The following CNOT9 variants were observed in gnomAD, a reference collection of about 807,000 sequenced individuals.
CNOT9 encodes the protein CCR4-NOT transcription complex subunit 9.
In CNOT9, 8 loss-of-function variants were observed where a neutral mutation model predicts 37.4. The observed-to-expected ratio is 0.21, with a 90% CI of 0.13 to 0.39. The LOEUF (loss-of-function observed/expected upper bound fraction) is 0.39. Ranked by LOEUF, CNOT9 falls within the 10% of genes least tolerant of loss-of-function variation. The pLI, the probability that CNOT9 is intolerant of heterozygous loss-of-function variation, is 1.00. For synonymous variants in CNOT9, 120 were observed against 137.6 expected, an observed-to-expected ratio of 0.87 and a Z score of 0.90; for missense variants, 154 against 365.3, an observed-to-expected ratio of 0.42 and a Z score of 4.71.
chr2:218,596,990 ATAT>A lies in CNOT9; in HGVS notation c.*2719_*2721del, dbSNP rs1005005807. 6.6e-6 allele frequency: 1 copy of A among 152,154 alleles called. No individual in the cohort carries two copies. Among genetic ancestry groups the A allele is most frequent in the Non-Finnish European group, 1.5e-5 (1 of 68,042 alleles). The allele number at this position is 152,154 out of a possible 1,614,324, so 9.4% of individuals were successfully genotyped here. The stretch of plus-strand genomic sequence containing the variant: ...AGAGCATGCCTTGCTTACTAACTAC[ATAT>A]TATTCCTCTGCTCATTGTTCCTGCT... On this transcript the variant is annotated 3_prime_UTR_variant, in exon 8 of 8. Transcript: ENST00000273064.
intron 1 of CNOT9, among the ~76,000 whole-genome samples, chr2:218,572,922 G>A (rs1345939849): frequency 1.3e-5 from 2 of 152,128 alleles, no homozygotes; most frequent in South Asian, 2.1e-4. Context: ...CACTCTAAAG[G>A]ATTTAATTCA....
intron 1 of CNOT9, among the ~76,000 whole-genome samples, chr2:218,576,112 C>T (rs1196155803): frequency 6.6e-6 from 1 of 152,152 alleles, no homozygotes; most frequent in Non-Finnish European, 1.5e-5. Flanking sequence ...CCCTCACCTG[C>T]CGTACCCCTT....
At chr2:218,590,814 T>C (rs1484305976) in intron 5 of CNOT9, among the ~76,000 whole-genome samples, 1 of 151,900 alleles carries the variant, frequency 6.6e-6, no homozygotes, top group Non-Finnish European at 1.5e-5. Context: ...TTGTTGTTGT[T>C]GTTGTTGTTT....
At chr2:218,579,141 T>C (rs1363035716) in intron 1 of CNOT9, among the ~76,000 whole-genome samples, 1 of 152,146 alleles carries the variant, frequency 6.6e-6, no homozygotes, top group Non-Finnish European at 1.5e-5. Context: ...ATGCATATGG[T>C]TTTTTAAAAA....
chr2:218,583,371 C>T (rs1694482727), intron 3 of CNOT9, among the ~76,000 whole-genome samples: 1 of 151,958 alleles, frequency 6.6e-6, no homozygotes, highest in Admixed American at 6.6e-5. Context: ...ATCAGGCATA[C>T]AGCTACTTCT....
intron 5 of CNOT9, among the ~76,000 whole-genome samples, chr2:218,590,873 T>C (rs1694751047): frequency 6.6e-6 from 1 of 152,120 alleles, no homozygotes; most frequent in African/African-American, 2.4e-5. Flanking sequence ...TCGCCCAGGC[T>C]GGAGTGCAGT....
chr2:218,580,477 A>G (rs1694338061), intron 1 of CNOT9, 84 bp from the exon 2 acceptor site: 1 of 1,172,274 alleles, frequency 8.5e-7, no homozygotes, highest in African/African-American at 1.6e-5. Flanking sequence ...CATGAAAAAT[A>G]TATTTCCTCT....
At chr2:218,573,344 A>G (rs1301608901) in intron 1 of CNOT9, among the ~76,000 whole-genome samples, 1 of 150,868 alleles carries the variant, frequency 6.6e-6, no homozygotes, top group South Asian at 2.1e-4. Context: ...AAAAAGATAC[A>G]TTCTGGCTCT....
Position 218,594,396 on chromosome 2 carries a change from T to C in CNOT9, c.*120T>C. On this transcript the variant is annotated 3_prime_UTR_variant, in exon 8 of 8. Transcript: ENST00000273064. ...AGACAACCTCAATGCTGAACCGCAC[T>C]GGAGAAAAGGGGCAAGGTACCCCTG... The C allele has an allele frequency of 1.7e-6, 2 of 1,161,066 alleles. No individual in the cohort carries two copies. Among genetic ancestry groups the C allele is most frequent in the Non-Finnish European group, 1.2e-6 (1 of 831,406 alleles). 71.9% of individuals were successfully genotyped at this position (1,161,066 alleles called of 1,614,324 possible).
chr2:218,569,097 C>T lies in CNOT9; in HGVS notation c.24+119C>T. 1.4e-5 allele frequency: 15 copies of T among 1,101,770 alleles called. No individual in the cohort carries two copies. The South Asian group carries it at 2.2e-4, about 16-fold the overall frequency. The allele number at this position is 1,101,770 out of a possible 1,614,324, so 68.2% of individuals were successfully genotyped here. ...CTGATTTTTTTCTGCCCTCAATCTC[C>T]AAGGCCCCGGTTCCCCTCCTCGGCA... On this transcript the variant is annotated intron_variant, in intron 1 of 7. Transcript: ENST00000273064.
intron 2 of CNOT9, 146 bp downstream of exon 2, chr2:218,580,886 G>A (rs963584808): frequency 6.3e-6 from 5 of 792,986 alleles, no homozygotes; most frequent in Admixed American, 2.2e-5. Flanking sequence ...AAGGTCTGAG[G>A]TATTTGTTAA....
intron 3 of CNOT9, among the ~76,000 whole-genome samples, chr2:218,584,130 C>T (rs868678280): frequency 2.8e-4 from 42 of 152,150 alleles, no homozygotes; most frequent in African/African-American, 9.7e-4. Context: ...TTTTTAAAAT[C>T]CACAATTGGA....
Position 218,587,689 on chromosome 2 carries a change from T to A in CNOT9, c.534T>A (p.Ser178=), listed in dbSNP as rs768347023. 2 of 1,565,340 alleles carry A rather than the reference T, an allele frequency of 1.3e-6. No individual in the cohort carries two copies. The highest frequency in any genetic ancestry group is 1.8e-6 in the Non-Finnish European group (2 of 1,142,368). Reference sequence around the variant, plus strand: ...TTATGGAATCTGGAAGTGAACTTTCTAAAACAGTATGTACTTTTAACTTAG... The same window carrying A: ...TTATGGAATCTGGAAGTGAACTTTCAAAAACAGTATGTACTTTTAACTTAG... ...LRIMESGSEL[S]KTVATFILQK... is the part of the protein sequence containing the mutation. Residue 178 remains serine (S), a synonymous_variant, in exon 5 of 8, where the codon TCT becomes TCA. Coordinates refer to ENST00000273064, the MANE Select transcript of CNOT9 (RefSeq NM_005444.3).
chr2:218,584,567 A>T lies in CNOT9; in HGVS notation c.321-45A>T, dbSNP rs201380808. 5.9e-5 allele frequency: 82 copies of T among 1,400,972 alleles called. No homozygotes were observed. In the African/African-American group the frequency reaches 1.1e-3, roughly 18 times the overall value. 86.8% of individuals were successfully genotyped at this position (1,400,972 alleles called of 1,614,324 possible). A position where few individuals can be genotyped will look rare whatever the true frequency, so the allele number is the denominator to read the frequency against. ...AGAAATTTGAAAGTTCAGGATCCTT[A>T]GAAATCAACCCTGGGCTGTGAATGT... is the stretch of plus-strand genomic sequence containing the variant. On this transcript the variant is annotated intron_variant, in intron 3 of 7. Transcript: ENST00000273064.
intron 1 of CNOT9, among the ~76,000 whole-genome samples, chr2:218,571,650 C>A (rs1693995589): frequency 6.6e-6 from 1 of 150,722 alleles, no homozygotes. Flanking sequence ...CAGCTCACAG[C>A]AATCTCCGCC....
At chr2:218,584,243 A>C (rs563064524) in intron 3 of CNOT9, among the ~76,000 whole-genome samples, 8 of 152,276 alleles carry the variant, frequency 5.3e-5, no homozygotes, top group Middle Eastern at 3.4e-3. Context: ...CAGCTTTGGC[A>C]CCATTACCAT....
chr2:218,572,332 TGAAA>T (rs1467214628), intron 1 of CNOT9, among the ~76,000 whole-genome samples: 3 of 151,554 alleles, frequency 2.0e-5, no homozygotes, highest in Admixed American at 6.6e-5. Flanking sequence ...TAAAAAAAAA[TGAAA>T]GAAAGAATAA....
chr2:218,572,832 A>G lies in CNOT9; in HGVS notation c.24+3854A>G, dbSNP rs546513721. The G allele has an allele frequency of 9.4e-6, 3 of 320,020 alleles. No individual in the cohort carries two copies. The East Asian group carries it at 5.2e-4, about 55-fold the overall frequency. 19.8% of individuals were successfully genotyped at this position (320,020 alleles called of 1,614,324 possible). The stretch of plus-strand genomic sequence containing the variant: ...CACTTTCCGCCTAACCAGCAGCATC[A>G]TTAGTTATTTTACATCTTTTTATTG... On this transcript the variant is annotated intron_variant, in intron 1 of 7. Coordinates refer to ENST00000273064, the MANE Select transcript of CNOT9 (RefSeq NM_005444.3).
chr2:218,569,060 C>T, intron 1 of CNOT9, 82 bp downstream of exon 1: 1 of 1,491,166 alleles, frequency 6.7e-7, no homozygotes, highest in Admixed American at 1.8e-5. Flanking sequence ...TTCCCGGTGT[C>T]GGGTCCCTAG....
Sources: allele counts gnomAD v4.1 joint callset (sites outside exome capture counted in the v4.1 genomes callset), GRCh38; gene constraint gnomAD v4.1.1; transcripts MANE v1.5; gene names NCBI Gene and HGNC (gene_info 2026-07-23, HGNC 2026-07-21).